ECPAS: variants seen among roughly 807,000 people sequenced by gnomAD.
ECPAS encodes Ecm29 proteasome adaptor and scaffold.
ECPAS carries 70 observed loss-of-function variants against 255.1 expected under a neutral mutation model. That is an observed-to-expected ratio of 0.27 (90% CI 0.23 to 0.33). The LOEUF is 0.33. Ranked by LOEUF, ECPAS falls within the 10% of genes least tolerant of loss-of-function variation. The pLI, the probability that ECPAS is intolerant of heterozygous loss-of-function variation, is 1.00. For missense variants in ECPAS, 1,817 were observed against 2,206.4 expected (o/e 0.82, Z 3.54); for synonymous variants, 784 against 775.0 (o/e 1.01, Z -0.19).
chr9:111,464,616 T>C (rs1178834151), intron 2 of ECPAS, among the ~76,000 whole-genome samples: 1 of 152,142 alleles, frequency 6.6e-6, no homozygotes, highest in Non-Finnish European at 1.5e-5. Flanking sequence ...AAGGATTACA[T>C]GTTACATGAG....
At chr9:111,423,476 C>T (rs1024201785) in intron 12 of ECPAS, among the ~76,000 whole-genome samples, 1 of 152,132 alleles carries the variant, frequency 6.6e-6, no homozygotes, top group African/African-American at 2.4e-5. Flanking sequence ...AAGACAAAAC[C>T]TTGCATCCCC....
At chr9:111,401,720 C>A (rs1481137607) in intron 24 of ECPAS, among the ~76,000 whole-genome samples, 2 of 152,110 alleles carry the variant, frequency 1.3e-5, no homozygotes, top group Non-Finnish European at 2.9e-5. Flanking sequence ...GCATTCCTTC[C>A]CCAGGGTCTC....
chr9:111,363,649 G>C lies in ECPAS; in HGVS notation c.5319C>G (p.Thr1773=). The C allele has an allele frequency of 6.6e-7, 1 of 1,512,582 alleles. No individual in the cohort carries two copies. Among genetic ancestry groups the C allele is most frequent in the Non-Finnish European group, 9.0e-7 (1 of 1,115,690 alleles). 93.7% of individuals were successfully genotyped at this position (1,512,582 alleles called of 1,614,324 possible). ...AAGCTTCTGTTCTCACAGATGAGTA[G>C]GTCTTATTTTCTAAAAAGAAATATC... ...KSITYSLENK[T]YSSVRTEALS... Residue 1773 remains threonine, a synonymous_variant, in exon 49 of 50, where the codon ACC becomes ACG. Coordinates refer to ENST00000684092, the MANE Select transcript of ECPAS (RefSeq NM_001364929.1).
intron 25 of ECPAS, 134 bp from the exon 26 acceptor site, chr9:111,394,439 G>T: frequency 1.3e-6 from 1 of 761,782 alleles, no homozygotes; most frequent in Non-Finnish European, 1.9e-6. Context: ...GGTGTTTAAA[G>T]TTGCTGAAGG....
intron 45 of ECPAS, among the ~76,000 whole-genome samples, chr9:111,369,603 C>CTA (rs1282643582): frequency 6.6e-6 from 1 of 152,130 alleles, no homozygotes; most frequent in Non-Finnish European, 1.5e-5. Context: ...TATGCTATCA[C>CTA]TATGTTTGTA....
At chr9:111,385,475 G>T in intron 32 of ECPAS, 33 bp from the exon 33 acceptor site, 1 of 1,172,996 alleles carries the variant, frequency 8.5e-7, no homozygotes, top group South Asian at 1.4e-5. Context: ...AATATATGAT[G>T]AAAAAGGTCA....
chr9:111,363,344 A>C (rs974473250), intron 49 of ECPAS, among the ~76,000 whole-genome samples: 7 of 152,144 alleles, frequency 4.6e-5, no homozygotes, highest in Non-Finnish European at 1.0e-4. Context: ...GAAAACAAAA[A>C]CTTTATTACT....
chr9:111,366,485 G>A (rs750436473), intron 47 of ECPAS, 37 bp downstream of exon 47: 17 of 1,486,602 alleles, frequency 1.1e-5, no homozygotes, highest in Non-Finnish European at 1.5e-5. Context: ...GCTGCGGGGA[G>A]GAACAAAATA....
intron 1 of ECPAS, among the ~76,000 whole-genome samples, chr9:111,475,551 A>G (rs1189674029): frequency 6.6e-6 from 1 of 152,190 alleles, no homozygotes; most frequent in East Asian, 1.9e-4. Context: ...CCTGGCCAAC[A>G]TTGTGAAACC....
Position 111,443,706 on chromosome 9 carries a change from CG to C in ECPAS, c.270+671del, listed in dbSNP as rs535455546. ...TCCAGAACAGACATGGACAAAATGA[CG>C]TCTGGACCAATAACAGGCTCCAAAA... is the stretch of plus-strand genomic sequence containing the variant. On this transcript the variant is annotated intron_variant, in intron 4 of 49. Transcript: ENST00000684092. 7.9e-5 allele frequency among the ~76,000 whole-genome samples: 12 copies of C among 152,186 alleles called. No individual in the cohort carries two copies. In the East Asian group the frequency reaches 2.3e-3, roughly 29 times the overall value.
At chr9:111,425,857 A>G in intron 10 of ECPAS, 29 bp from the exon 11 acceptor site, 2 of 1,040,940 alleles carry the variant, frequency 1.9e-6, no homozygotes, top group South Asian at 1.5e-5. Flanking sequence ...TGAGAACATC[A>G]ATTAATAAAA....
intron 19 of ECPAS, 117 bp from the exon 20 acceptor site, chr9:111,414,103 T>TAAAA: frequency 1.9e-6 from 1 of 539,066 alleles, no homozygotes; most frequent in Non-Finnish European, 3.0e-6. Context: ...TCGGTTCTAT[T>TAAAA]AAAAAAAAAA....
chr9:111,483,620 A>T, intron 1 of ECPAS: 7 of 260,826 alleles, frequency 2.7e-5, no homozygotes, highest in Non-Finnish European at 4.1e-5. Flanking sequence ...GCGGTGCGGC[A>T]GGGGCCGCGA....
At chr9:111,397,285 G>A (rs956433279) in intron 24 of ECPAS, 132 bp from the exon 25 acceptor site, 135 of 1,076,320 alleles carry the variant, frequency 1.3e-4, no homozygotes, top group Non-Finnish European at 1.6e-4. Flanking sequence ...GTTTGCTTTC[G>A]GCTAATTCAA....
At chr9:111,422,931 T>C (rs769037033) in intron 13 of ECPAS, among the ~76,000 whole-genome samples, 11 of 152,120 alleles carry the variant, frequency 7.2e-5, no homozygotes, top group Non-Finnish European at 4.4e-5. Context: ...GTCTCTAGGG[T>C]ACAAAAAAAG....
chr9:111,430,234 T>C (rs760425999), intron 9 of ECPAS, among the ~76,000 whole-genome samples: 1 of 152,210 alleles, frequency 6.6e-6, no homozygotes, highest in African/African-American at 2.4e-5. Flanking sequence ...GTTGCTTTCA[T>C]GTTACAAGAG....
rs1277204964 is a variant in ECPAS at position 111,391,836 on chromosome 9, CAAT to C, written c.3093-15_3093-13del. On this transcript the variant is annotated splice_polypyrimidine_tract_variant and intron_variant, in intron 28 of 49. Coordinates refer to ENST00000684092, the MANE Select transcript of ECPAS (RefSeq NM_001364929.1). The stretch of plus-strand genomic sequence containing the variant: ...CTTCATGTTTAACTCTAAACCAAAA[CAAT>C]AATTTCAATAAGCTTCAAGCTTTTC... 2 of 1,526,998 alleles carry C rather than the reference CAAT, an allele frequency of 1.3e-6. No homozygotes were observed. The allele number at this position is 1,526,998 out of a possible 1,614,324, so 94.6% of individuals were successfully genotyped here.
At chr9:111,432,578 C>T (rs1376786976) in intron 8 of ECPAS, among the ~76,000 whole-genome samples, 1 of 152,216 alleles carries the variant, frequency 6.6e-6, no homozygotes, top group African/African-American at 2.4e-5. Context: ...CGTGCCACTG[C>T]ACTCCTGCCT....
At chr9:111,376,702 T>G (rs1484811057) in intron 36 of ECPAS, among the ~76,000 whole-genome samples, 161 bp from the exon 37 acceptor site, 3 of 152,048 alleles carry the variant, frequency 2.0e-5, no homozygotes, top group Non-Finnish European at 4.4e-5. Context: ...TAATTTCTTT[T>G]GACCTACACT....
Sources: gnomAD v4.1 joint callset for allele counts (sites outside exome capture counted in the v4.1 genomes callset) on GRCh38, gnomAD v4.1.1 for gene constraint, MANE v1.5 for transcripts, NCBI Gene and HGNC (gene_info 2026-07-23, HGNC 2026-07-21) for gene names.